COL26A1: variants seen among roughly 807,000 people sequenced by gnomAD.
COL26A1 encodes collagen type XXVI alpha 1 chain.
A neutral mutation model predicts 59.3 loss-of-function variants in COL26A1; 41 were observed. That is an observed-to-expected ratio of 0.69 (90% CI 0.54 to 0.90). The LOEUF (loss-of-function observed/expected upper bound fraction) is 0.90, where lower values mean the gene tolerates loss of function less well. Ranked by LOEUF, COL26A1 falls within the 40% of genes least tolerant of loss-of-function variation. The pLI, the probability that COL26A1 is intolerant of heterozygous loss-of-function variation, is 0.00. For missense variants in COL26A1, 612 were observed against 602.3 expected (o/e 1.02, Z -0.17); for synonymous variants, 266 against 256.0 (o/e 1.04, Z -0.37).
chr7:101,370,662 G>A (rs1301078490), intron 1 of COL26A1, among the ~76,000 whole-genome samples: 1 of 152,102 alleles, frequency 6.6e-6, no homozygotes, highest in Non-Finnish European at 1.5e-5. Context: ...ATGAGCCACT[G>A]CACCCTGCCC....
At chr7:101,387,774 A>ATTTTTTTTTTT (rs1185449488) in intron 1 of COL26A1, among the ~76,000 whole-genome samples, 1 of 48,902 alleles carries the variant, frequency 2.0e-5, no homozygotes, top group Non-Finnish European at 4.1e-5. Context: ...ATATATATAT[A>ATTTTTTTTTTT]TATATTTTTT....
intron 3 of COL26A1, among the ~76,000 whole-genome samples, chr7:101,486,277 G>A (rs2410849): frequency 7.2e-6 from 1 of 138,460 alleles, no homozygotes; most frequent in Non-Finnish European, 1.6e-5. Flanking sequence ...AACAGACAGC[G>A]ATCTTCAGTT....
At chr7:101,547,897 G>GAACA (rs1795775073) in intron 8 of COL26A1, among the ~76,000 whole-genome samples, 1 of 152,090 alleles carries the variant, frequency 6.6e-6, no homozygotes, top group Non-Finnish European at 1.5e-5. Context: ...GCCACTACAT[G>GAACA]TGCCAGACAG....
rs895951570 is a variant in COL26A1 at position 101,431,490 on chromosome 7, G to C, written c.281+11391G>C. Among the ~76,000 whole-genome samples the C allele has an allele frequency of 2.6e-5, 4 of 151,988 alleles. No homozygotes were observed. The South Asian group carries it at 8.3e-4, about 32-fold the overall frequency. Reference sequence around the variant, plus strand: ...GCGTAGGCTGGTCTTGAACCCCTGAGCTTAGGGAGCTTCCTGCTTTGGCCT... The same window carrying C: ...GCGTAGGCTGGTCTTGAACCCCTGACCTTAGGGAGCTTCCTGCTTTGGCCT... On this transcript the variant is annotated intron_variant, in intron 2 of 12. Coordinates refer to ENST00000313669, the MANE Select transcript of COL26A1 (RefSeq NM_001278563.3).
At chr7:101,507,474 T>C (rs1283531968) in intron 3 of COL26A1, among the ~76,000 whole-genome samples, 1 of 151,608 alleles carries the variant, frequency 6.6e-6, no homozygotes, top group Non-Finnish European at 1.5e-5. Context: ...CTGGCTGGAG[T>C]GCAGTGGTGT....
At chr7:101,416,529 C>T (rs1792373512) in intron 1 of COL26A1, among the ~76,000 whole-genome samples, 1 of 143,526 alleles carries the variant, frequency 7.0e-6, no homozygotes, top group Non-Finnish European at 1.6e-5. Context: ...CCTTCCAGAG[C>T]TACTACTATA....
chr7:101,444,626 G>T (rs2130367715), intron 2 of COL26A1, among the ~76,000 whole-genome samples: 1 of 152,044 alleles, frequency 6.6e-6, no homozygotes, highest in African/African-American at 2.4e-5. Context: ...TGTTGGGCAG[G>T]CTGGTCTTGA....
chr7:101,512,869 A>G (rs1164219833), intron 3 of COL26A1, among the ~76,000 whole-genome samples: 1 of 152,138 alleles, frequency 6.6e-6, no homozygotes. Context: ...TTCAACACCT[A>G]TGCATGATGA....
Position 101,383,921 on chromosome 7 carries a change from C to T in COL26A1, c.158+20731C>T, listed in dbSNP as rs150597839. On this transcript the variant is annotated intron_variant, in intron 1 of 12. Transcript: ENST00000313669. ...TTGACCTCAGCTGATCTGCCCACCT[C>T]GGCCTCCCAAAGTGCTGGGATTACT... Among the ~76,000 whole-genome samples, 843 of 152,292 alleles carry T rather than the reference C, an allele frequency of 5.5e-3. 7 individuals carry two copies. Among genetic ancestry groups the T allele is most frequent in the East Asian group, 0.02 (102 of 5,186 alleles).
chr7:101,390,365 C>T (rs573863247), intron 1 of COL26A1, among the ~76,000 whole-genome samples: 9 of 151,806 alleles, frequency 5.9e-5, no homozygotes, highest in East Asian at 1.9e-4. Context: ...TGACCTCAAG[C>T]GATCTGCCCG....
intron 1 of COL26A1, among the ~76,000 whole-genome samples, chr7:101,391,403 C>T (rs978144197): frequency 2.0e-5 from 3 of 152,162 alleles, no homozygotes; most frequent in South Asian, 2.1e-4. Flanking sequence ...CTCCTGGGCC[C>T]GTATCCTAGG....
chr7:101,535,054 C>T (rs1288433759), intron 4 of COL26A1, among the ~76,000 whole-genome samples: 6 of 152,238 alleles, frequency 3.9e-5, no homozygotes, highest in African/African-American at 1.2e-4. Context: ...GGGAGCCCCA[C>T]GGCATGCATT....
chr7:101,393,394 C>T (rs1337633207), intron 1 of COL26A1, among the ~76,000 whole-genome samples: 1 of 152,138 alleles, frequency 6.6e-6, no homozygotes, highest in Non-Finnish European at 1.5e-5. Context: ...CAGGAAGCAT[C>T]CAGCACGGGA....
chr7:101,476,696 C>T (rs111342345), intron 3 of COL26A1, among the ~76,000 whole-genome samples: 13,678 of 151,494 alleles, frequency 0.09, 708 homozygotes, highest in Middle Eastern at 0.13. Flanking sequence ...TACAGGCGCC[C>T]GCCACCACAC....
Position 101,362,922 on chromosome 7 carries a change from C to G in COL26A1, c.-111C>G, listed in dbSNP as rs889603910. The G allele has an allele frequency of 6.0e-6, 7 of 1,159,026 alleles. No homozygotes were observed. Among genetic ancestry groups the G allele is most frequent in the South Asian group, 5.0e-5 (3 of 60,288 alleles). The allele number at this position is 1,159,026 out of a possible 1,614,324, so 71.8% of individuals were successfully genotyped here. On this transcript the variant is annotated 5_prime_UTR_variant, in exon 1 of 13. Transcript: ENST00000313669. ...GCACCCGGGCTCCGACCGCTCGCCC[C>G]GCTCCTCTCGCTGTGCTCCCGGCCG...
intron 3 of COL26A1, among the ~76,000 whole-genome samples, chr7:101,451,671 T>C (rs1793340893): frequency 6.6e-6 from 1 of 150,926 alleles, no homozygotes; most frequent in South Asian, 2.1e-4. Context: ...AAAAGCTTTG[T>C]GGTTATTGTC....
At chr7:101,501,670 A>G (rs1209747719) in intron 3 of COL26A1, among the ~76,000 whole-genome samples, 1 of 152,196 alleles carries the variant, frequency 6.6e-6, no homozygotes, top group Non-Finnish European at 1.5e-5. Context: ...CAAGATGGCC[A>G]CTGGGTTCAT....
chr7:101,364,843 T>G (rs910193420), intron 1 of COL26A1, among the ~76,000 whole-genome samples: 1 of 152,180 alleles, frequency 6.6e-6, no homozygotes, highest in Non-Finnish European at 1.5e-5. Context: ...ATGCTGGGAT[T>G]ACAGGCGTGA....
At chr7:101,542,659 AG>A (rs1212082775) in intron 5 of COL26A1, among the ~76,000 whole-genome samples, 1 of 152,184 alleles carries the variant, frequency 6.6e-6, no homozygotes, top group Admixed American at 6.5e-5. Context: ...TGCATGACAC[AG>A]GTGGCCTCCA....
Sources: allele counts gnomAD v4.1 joint callset (sites outside exome capture counted in the v4.1 genomes callset), GRCh38; gene constraint gnomAD v4.1.1; transcripts MANE v1.5; gene names NCBI Gene and HGNC (gene_info 2026-07-23, HGNC 2026-07-21).